Variants in GDAP2 observed in about 807,000 individuals in gnomAD.
The protein encoded by GDAP2 is ganglioside-induced differentiation-associated protein 2.
GDAP2 carries 51 observed loss-of-function variants against 67.0 expected under a neutral mutation model. The observed-to-expected ratio is 0.76, with a 90% CI of 0.61 to 0.96. The LOEUF is 0.96. Among genes scored for constraint, GDAP2 ranks in the 40% least tolerant of loss-of-function variants. The pLI is 0.00. For missense variants in GDAP2, 547 were observed against 588.3 expected (o/e 0.93, Z 0.73); for synonymous variants, 203 against 207.3 (o/e 0.98, Z 0.18).
intron 3 of GDAP2, among the ~76,000 whole-genome samples, chr1:117,913,733 C>T (rs913525314): frequency 2.6e-5 from 4 of 152,094 alleles, no homozygotes; most frequent in Non-Finnish European, 4.4e-5. Flanking sequence ...AGGCAATAAC[C>T]GTTGCCCACT....
At chr1:117,921,517 T>C (rs1281327118) in intron 1 of GDAP2, among the ~76,000 whole-genome samples, 1 of 152,048 alleles carries the variant, frequency 6.6e-6, no homozygotes, top group Non-Finnish European at 1.5e-5. Context: ...AAATGGCAAG[T>C]GCAAAGGCCA....
chr1:117,915,351 G>C lies in GDAP2; in HGVS notation c.317-2668C>G, dbSNP rs541742116. Among the ~76,000 whole-genome samples, 38 of 151,138 alleles carry C rather than the reference G, an allele frequency of 2.5e-4. No homozygotes were observed. The South Asian group carries it at 7.9e-3, about 31-fold the overall frequency. The stretch of plus-strand genomic sequence containing the variant: ...GTCAACAAGTCAGTGTCATAGACAG[G>C]GGACTGTGCTGGATTACAAAATACC... On this transcript the variant is annotated intron_variant, in intron 3 of 13. Transcript: ENST00000369443.
intron 1 of GDAP2, among the ~76,000 whole-genome samples, chr1:117,925,894 GAGGGTATATTCC>G (rs1650426979): frequency 6.6e-6 from 1 of 152,310 alleles, no homozygotes; most frequent in East Asian, 1.9e-4. Context: ...GTGACGATTT[GAGGGTATATTCC>G]ACACGTTTAA....
intron 7 of GDAP2, among the ~76,000 whole-genome samples, chr1:117,897,867 C>T (rs1649317977): frequency 6.6e-6 from 1 of 152,134 alleles, no homozygotes; most frequent in African/African-American, 2.4e-5. Context: ...AAACACCCCT[C>T]AAGTAAAGCT....
At chr1:117,929,001 A>G (rs555143653) in intron 1 of GDAP2, among the ~76,000 whole-genome samples, 1 of 152,228 alleles carries the variant, frequency 6.6e-6, no homozygotes, top group African/African-American at 2.4e-5. Flanking sequence ...GTGTCACTCC[A>G]GGGATTGCGG....
At chr1:117,879,770 GAT>G (rs1051143082) in intron 12 of GDAP2, among the ~76,000 whole-genome samples, 50 of 152,228 alleles carry the variant, frequency 3.3e-4, no homozygotes, top group African/African-American at 1.2e-3. Context: ...TGCCTCCCCA[GAT>G]ATATGTTTGA....
At chr1:117,897,064 A>G in intron 7 of GDAP2, 75 bp from the exon 8 acceptor site, 1 of 1,033,314 alleles carries the variant, frequency 9.7e-7, no homozygotes. Flanking sequence ...TGCTGCAGTA[A>G]GGATGACAGT....
chr1:117,898,178 T>C (rs977194815), intron 7 of GDAP2, among the ~76,000 whole-genome samples: 2 of 152,166 alleles, frequency 1.3e-5, no homozygotes, highest in Non-Finnish European at 2.9e-5. Flanking sequence ...TAAATGCATT[T>C]TATGAAAGAA....
At chr1:117,872,468 A>G (rs1648324056) in intron 13 of GDAP2, among the ~76,000 whole-genome samples, 1 of 152,222 alleles carries the variant, frequency 6.6e-6, no homozygotes, top group Non-Finnish European at 1.5e-5. Context: ...AGACTAGATA[A>G]AGAAAATATG....
At chr1:117,874,790 G>A (rs1648398859) in intron 13 of GDAP2, among the ~76,000 whole-genome samples, 2 of 152,158 alleles carry the variant, frequency 1.3e-5, no homozygotes, top group African/African-American at 4.8e-5. Context: ...TGCTGATAAG[G>A]TCTCAGATGG....
intron 13 of GDAP2, among the ~76,000 whole-genome samples, 193 bp from the exon 14 acceptor site, chr1:117,870,809 G>A (rs982970827): frequency 1.3e-5 from 2 of 152,086 alleles, no homozygotes; most frequent in Non-Finnish European, 2.9e-5. Flanking sequence ...AAGGCAATAG[G>A]ATCATAATAT....
Position 117,920,223 on chromosome 1 carries a change from AG to A in GDAP2, c.134del (p.Pro45LeufsTer22). 3 of 1,607,934 alleles carry A rather than the reference AG, an allele frequency of 1.9e-6. No homozygotes were observed. Among genetic ancestry groups the A allele is most frequent in the Non-Finnish European group, 1.7e-6 (2 of 1,175,870 alleles). ...CATTGACGTCCTTATTATAAAGAAA[AG>A]GTGATCGAACAGTGTCTTCCTGAAA... Reference protein sequence around the residue: ...EIFQEDTVRSPFLYNKDVNGK... With the variant: ...EIFQEDTVRSXFLYNKDVNGK... On this transcript the variant is annotated frameshift_variant, in exon 2 of 14. Coordinates refer to ENST00000369443, the MANE Select transcript of GDAP2 (RefSeq NM_017686.4). LOFTEE classifies it high-confidence loss of function.
chr1:117,901,690 A>ATT lies in GDAP2; in HGVS notation c.637-2476_637-2475dup, dbSNP rs113776728. Among the ~76,000 whole-genome samples the ATT allele has an allele frequency of 1.2e-3, 182 of 150,928 alleles. 2 individuals are homozygous for ATT. The highest frequency in any genetic ancestry group is 4.2e-3 in the African/African-American group (173 of 41,192). On this transcript the variant is annotated intron_variant, in intron 6 of 13. Transcript: ENST00000369443. ...AATAAATGTATGTTAATTATGTTTA[A>ATT]TTTTTTTTTTCTATTTTATCATGTT...
At chr1:117,898,686 T>C (rs1345062536) in intron 7 of GDAP2, among the ~76,000 whole-genome samples, 1 of 152,202 alleles carries the variant, frequency 6.6e-6, no homozygotes, top group Non-Finnish European at 1.5e-5. Flanking sequence ...TATAATATTC[T>C]TGTCTTAGTA....
chr1:117,886,587 T>C lies in GDAP2; in HGVS notation c.1097A>G (p.Asp366Gly), dbSNP rs1426141626. The C allele has an allele frequency of 1.3e-6, 2 of 1,531,808 alleles. No homozygotes were observed. The highest frequency in any genetic ancestry group is 4.5e-5 in the East Asian group (2 of 44,452). The allele number at this position is 1,531,808 out of a possible 1,614,324, so 94.9% of individuals were successfully genotyped here. A position where few individuals can be genotyped will look rare whatever the true frequency, so the allele number is the denominator to read the frequency against. ...CTTTTTATGGCTTACCTTGTCCATA[T>C]CTATTAATGTTACAGGAATGTTTCT... ...VGRNIPVTLI[D>G]MDKALLYFIH... The change falls in exon 10 of 14, where the codon GAT (aspartate) becomes GGT (glycine). Residue 366 changes from aspartate (D) to glycine (G), a missense_variant. Coordinates refer to ENST00000369443, the MANE Select transcript of GDAP2 (RefSeq NM_017686.4).
intron 6 of GDAP2, among the ~76,000 whole-genome samples, chr1:117,903,264 A>C: frequency 6.6e-6 from 1 of 151,928 alleles, no homozygotes; most frequent in Non-Finnish European, 1.5e-5. Context: ...GGTGCTTTTT[A>C]TCTCTTTTTC....
chr1:117,916,054 G>T (rs1444215869), intron 3 of GDAP2, among the ~76,000 whole-genome samples: 1 of 152,186 alleles, frequency 6.6e-6, no homozygotes, highest in Non-Finnish European at 1.5e-5. Flanking sequence ...AGTAATAAAA[G>T]ACATACAGTT....
intron 1 of GDAP2, among the ~76,000 whole-genome samples, chr1:117,920,834 A>G (rs1650225480): frequency 6.6e-6 from 1 of 152,216 alleles, no homozygotes; most frequent in Non-Finnish European, 1.5e-5. Context: ...TGTACTGAGT[A>G]AGACAAAATG....
At chr1:117,925,482 G>T (rs1304151231) in intron 1 of GDAP2, among the ~76,000 whole-genome samples, 1 of 151,998 alleles carries the variant, frequency 6.6e-6, no homozygotes, top group Non-Finnish European at 1.5e-5. Context: ...AGAAGGAAAA[G>T]AAACCAAAAT....
Sources: gnomAD v4.1 joint callset for allele counts (sites outside exome capture counted in the v4.1 genomes callset) on GRCh38, gnomAD v4.1.1 for gene constraint, MANE v1.5 for transcripts, NCBI Gene and HGNC (gene_info 2026-07-23, HGNC 2026-07-21) for gene names.